The following TMC2 variants were observed in gnomAD, a reference collection of about 807,000 sequenced individuals.
TMC2 encodes the protein transmembrane channel-like protein 2.
In TMC2, 102 loss-of-function variants were observed where a neutral mutation model predicts 105.9. The observed-to-expected ratio is 0.96, with a 90% confidence interval of 0.82 to 1.14. The LOEUF is 1.14. Among genes scored for constraint, TMC2 ranks in the 50% most tolerant of loss-of-function variants. The probability of loss-of-function intolerance (pLI) is 0.00; values close to 1 mark genes in which losing one functional copy is unlikely to be tolerated. For synonymous variants in TMC2, 402 were observed against 422.8 expected, an observed-to-expected ratio of 0.95 and a Z score of 0.60; for missense variants, 1,093 against 1,134.3, an observed-to-expected ratio of 0.96 and a Z score of 0.52.
chr20:2,617,012 ACCCTTCCCTCGCCTT>A, intron 15 of TMC2, 45 bp from the exon 16 acceptor site: 9 of 1,605,368 alleles, frequency 5.6e-6, no homozygotes, highest in Non-Finnish European at 7.7e-6. Context: ...TCCTTCTATC[ACCCTTCCCTCGCCTT>A]CCCTGCTGTC....
At position 2,617,159 on chromosome 20, in the gene TMC2, GAGCAGC is replaced by G; in HGVS notation, c.2030_2035del (p.Ser677_Ser678del). 6.2e-7 allele frequency: 1 copy of G among 1,614,214 alleles called. No individual in the cohort carries two copies. The highest frequency in any genetic ancestry group is 8.5e-7 in the Non-Finnish European group (1 of 1,180,050). Reference sequence around the variant, plus strand: ...TGTACTTCCAGTGCTGGGCGGTGATGAGCAGCAACGTACCCCATGAACGCGTGTTCA... The same window carrying G: ...TGTACTTCCAGTGCTGGGCGGTGATGAACGTACCCCATGAACGCGTGTTCA... On this transcript the variant is annotated inframe_deletion, in exon 16 of 20. Coordinates refer to ENST00000358864, the MANE Select transcript of TMC2 (RefSeq NM_080751.3).
chr20:2,578,628 C>T (rs546891625), intron 5 of TMC2, among the ~76,000 whole-genome samples: 6 of 152,204 alleles, frequency 3.9e-5, no homozygotes, highest in South Asian at 4.1e-4. Context: ...GGCTGTTGTT[C>T]CCCCAGGAGA....
intron 4 of TMC2, among the ~76,000 whole-genome samples, 160 bp from the exon 5 acceptor site, chr20:2,572,019 G>A (rs2086106964): frequency 6.6e-6 from 1 of 152,142 alleles, no homozygotes; most frequent in Admixed American, 6.5e-5. Flanking sequence ...AAACTTCAGT[G>A]GATAAAACAG....
In TMC2 at chr20:2,616,968, C is replaced by G. The variant is rs1217856376; in HGVS notation, c.1941-104C>G. The stretch of plus-strand genomic sequence containing the variant: ...ACCTGGGGACTTGCCAGGAAAGCAG[C>G]TCGGCCTCATGCCCCTAACCCATCC... On this transcript the variant is annotated intron_variant, in intron 15 of 19. Transcript: ENST00000358864. The surrounding 1 kb of genome is among the most constrained non-coding windows in gnomAD (Gnocchi z 4.8). 2 of 1,381,314 alleles carry G rather than the reference C, an allele frequency of 1.4e-6. No individual in the cohort carries two copies. The highest frequency in any genetic ancestry group is 2.0e-6 in the Non-Finnish European group (2 of 1,002,558). 85.6% of individuals were successfully genotyped at this position (1,381,314 alleles called of 1,614,324 possible). A position where few individuals can be genotyped will look rare whatever the true frequency, so the allele number is the denominator to read the frequency against.
intron 7 of TMC2, among the ~76,000 whole-genome samples, chr20:2,583,497 C>G (rs2086210061): frequency 1.3e-5 from 2 of 149,180 alleles, no homozygotes; most frequent in Admixed American, 1.3e-4. Flanking sequence ...GAGTCTTGCT[C>G]TGTCACCCAG....
At chr20:2,584,746 G>T (rs1363737601) in intron 7 of TMC2, among the ~76,000 whole-genome samples, 3 of 150,276 alleles carry the variant, frequency 2.0e-5, no homozygotes, top group African/African-American at 7.3e-5. Context: ...TAGTTATTTT[G>T]TTCAAGAAAA....
chr20:2,623,106 A>G (rs996733092), intron 16 of TMC2, among the ~76,000 whole-genome samples: 3 of 152,124 alleles, frequency 2.0e-5, no homozygotes, highest in Admixed American at 6.5e-5. Flanking sequence ...TCATATGACT[A>G]TTAAGCACTT....
chr20:2,589,270 C>CTTTGTGTG lies in TMC2; in HGVS notation c.835-3039_835-3038insTTGTGTGT, dbSNP rs1555774377. Among the ~76,000 whole-genome samples the CTTTGTGTG allele has an allele frequency of 4.1e-3, 478 of 116,350 alleles. 13 individuals are homozygous for CTTTGTGTG. Among genetic ancestry groups the CTTTGTGTG allele is most frequent in the African/African-American group, 0.018 (453 of 25,822 alleles). 76.3% of individuals were successfully genotyped at this position (116,350 alleles called of 152,430 possible). A position where few individuals can be genotyped will look rare whatever the true frequency, so the allele number is the denominator to read the frequency against. On this transcript the variant is annotated intron_variant, in intron 7 of 19. Coordinates refer to ENST00000358864, the MANE Select transcript of TMC2 (RefSeq NM_080751.3). The stretch of plus-strand genomic sequence containing the variant: ...TTTTCCAGATATCTTCCTATTTGCC[C>CTTTGTGTG]TGTGTGTGTGTGTGTGTGTGTGTGT...
intron 17 of TMC2, among the ~76,000 whole-genome samples, chr20:2,625,865 C>T (rs2086561080): frequency 6.6e-6 from 1 of 152,166 alleles, no homozygotes; most frequent in Non-Finnish European, 1.5e-5. Context: ...TTATAAATTC[C>T]AACTCTCCGG....
At chr20:2,554,721 C>T (rs1017662416) in intron 2 of TMC2, among the ~76,000 whole-genome samples, 1 of 152,190 alleles carries the variant, frequency 6.6e-6, no homozygotes, top group Non-Finnish European at 1.5e-5. Context: ...GCTGTTTTAT[C>T]TCCAAATATT....
chr20:2,573,838 G>C lies in TMC2; in HGVS notation c.645+1569G>C, dbSNP rs1600107652. On this transcript the variant is annotated intron_variant, in intron 5 of 19. Coordinates refer to ENST00000358864, the MANE Select transcript of TMC2 (RefSeq NM_080751.3). ...GCCTCCCAAAGTGCTGGGATTACAG[G>C]CGTGAGCCACCACGCCCGGCCTCTC... is the stretch of plus-strand genomic sequence containing the variant. Among the ~76,000 whole-genome samples the C allele has an allele frequency of 2.0e-5, 3 of 152,202 alleles. No individual in the cohort carries two copies. In the East Asian group the frequency reaches 5.8e-4, roughly 29 times the overall value.
At chr20:2,551,968 T>C (rs2085959275) in intron 2 of TMC2, among the ~76,000 whole-genome samples, 1 of 152,084 alleles carries the variant, frequency 6.6e-6, no homozygotes, top group South Asian at 2.1e-4. Flanking sequence ...ATATAAACTT[T>C]AGAATCAGGG....
chr20:2,588,800 T>C (rs61040854), intron 7 of TMC2, among the ~76,000 whole-genome samples: 5,934 of 152,072 alleles, frequency 0.039, 395 homozygotes, highest in African/African-American at 0.13. Flanking sequence ...TTTTTCTCTA[T>C]ATATTTAAGT....
chr20:2,637,995 A>G (rs1044986325), intron 19 of TMC2, among the ~76,000 whole-genome samples: 1 of 152,108 alleles, frequency 6.6e-6, no homozygotes, highest in African/African-American at 2.4e-5. Flanking sequence ...AAAACACATT[A>G]CTCATGTGTT....
chr20:2,617,636 A>G (rs531288546), intron 16 of TMC2: 4 of 356,964 alleles, frequency 1.1e-5, no homozygotes, highest in Non-Finnish European at 2.1e-5. Context: ...TTGGGGGTAC[A>G]TGTGATATTT....
intron 7 of TMC2, among the ~76,000 whole-genome samples, chr20:2,582,075 C>T (rs2086195311): frequency 6.6e-6 from 1 of 152,014 alleles, no homozygotes; most frequent in African/African-American, 2.4e-5. Flanking sequence ...AGGCTTAGAC[C>T]AGGTAGCAGC....
Position 2,592,011 on chromosome 20 carries a change from G to C in TMC2, c.835-299G>C, listed in dbSNP as rs953128195. ...TCTACTAAAAATACAAAACAGCCAG[G>C]CATGTTGGCAGGCACCTGTAATCCC... On this transcript the variant is annotated intron_variant, in intron 7 of 19. Coordinates refer to ENST00000358864, the MANE Select transcript of TMC2 (RefSeq NM_080751.3). The surrounding 1 kb of genome is among the most constrained non-coding windows in gnomAD (Gnocchi z 4.9). Among the ~76,000 whole-genome samples, 3 of 152,086 alleles carry C rather than the reference G, an allele frequency of 2.0e-5. No individual in the cohort carries two copies. Among genetic ancestry groups the C allele is most frequent in the African/African-American group, 4.8e-5 (2 of 41,410 alleles).
chr20:2,637,663 G>A (rs1568533575), intron 19 of TMC2, 72 bp downstream of exon 19: 3 of 1,000,748 alleles, frequency 3.0e-6, no homozygotes, highest in Non-Finnish European at 4.7e-6. Flanking sequence ...ATGAAACAGC[G>A]TGAAATCAGA....
intron 4 of TMC2, among the ~76,000 whole-genome samples, chr20:2,562,524 T>C (rs947594053): frequency 6.6e-6 from 1 of 152,228 alleles, no homozygotes; most frequent in Non-Finnish European, 1.5e-5. Context: ...CCATGCAACA[T>C]GAATATCACT....
Sources: allele counts gnomAD v4.1 joint callset (sites outside exome capture counted in the v4.1 genomes callset), GRCh38; gene constraint gnomAD v4.1.1; non-coding constraint Gnocchi (gnomAD v3.1); transcripts MANE v1.5; gene names NCBI Gene and HGNC (gene_info 2026-07-23, HGNC 2026-07-21).